ZNF423: variants seen among roughly 807,000 people sequenced by gnomAD.
ZNF423 encodes Ebf-associated zinc finger protein.
In ZNF423, 12 loss-of-function variants were observed where a neutral mutation model predicts 95.8. That is an observed-to-expected ratio of 0.13 (90% CI 0.08 to 0.20). ZNF423 has a LOEUF of 0.20. ZNF423 is among the 10% of genes least tolerant of loss of function. The pLI is 1.00. For synonymous variants in ZNF423, 749 were observed against 711.9 expected (o/e 1.05, Z -0.83); for missense variants, 1,316 against 1,737.1 (o/e 0.76, Z 4.31).
intron 5 of ZNF423, among the ~76,000 whole-genome samples, chr16:49,529,069 C>A (rs551729298): frequency 6.6e-6 from 1 of 151,758 alleles, no homozygotes; most frequent in Non-Finnish European, 1.5e-5. Context: ...TCCACCCCAG[C>A]GTGGGGACTG....
At chr16:49,542,706 G>A (rs1451867545) in intron 5 of ZNF423, among the ~76,000 whole-genome samples, 8 of 152,216 alleles carry the variant, frequency 5.3e-5, no homozygotes, top group Non-Finnish European at 8.8e-5. Flanking sequence ...GGTGCAGGCT[G>A]GGCCCCAGCC....
chr16:49,802,005 T>C (rs1366898589), intron 1 of ZNF423, among the ~76,000 whole-genome samples: 1 of 152,138 alleles, frequency 6.6e-6, no homozygotes, highest in Non-Finnish European at 1.5e-5. Context: ...CATGCCATTA[T>C]ACCCAGTCAG....
At chr16:49,613,589 G>T (rs553922370) in intron 5 of ZNF423, among the ~76,000 whole-genome samples, 74 of 152,294 alleles carry the variant, frequency 4.9e-4, no homozygotes, top group African/African-American at 1.7e-3. Flanking sequence ...ATTTTGTTAG[G>T]GGGGAAGTTG....
intron 2 of ZNF423, among the ~76,000 whole-genome samples, chr16:49,781,723 G>A (rs1422358249): frequency 6.6e-6 from 1 of 152,198 alleles, no homozygotes; most frequent in Non-Finnish European, 1.5e-5. Flanking sequence ...AAACCTCGGG[G>A]CAAAGGACTG....
chr16:49,644,233 T>C (rs993724009), intron 3 of ZNF423, among the ~76,000 whole-genome samples: 4 of 152,134 alleles, frequency 2.6e-5, no homozygotes, highest in African/African-American at 9.7e-5. Context: ...ATCGAAGCTA[T>C]GCAAGAGGCC....
At chr16:49,687,532 C>T (rs1053316486) in intron 3 of ZNF423, among the ~76,000 whole-genome samples, 9 of 152,132 alleles carry the variant, frequency 5.9e-5, no homozygotes, top group South Asian at 4.2e-4. Context: ...TGCCCACCTC[C>T]GACTCTAGAA....
At chr16:49,846,571 G>C (rs1183107452) in intron 1 of ZNF423, among the ~76,000 whole-genome samples, 1 of 152,166 alleles carries the variant, frequency 6.6e-6, no homozygotes, top group Admixed American at 6.5e-5. Flanking sequence ...CATCTGCAGG[G>C]GCTGTCCTGG....
In ZNF423 at chr16:49,696,072, A is replaced by G. The variant is rs954427979; in HGVS notation, c.301+34699T>C. Among the ~76,000 whole-genome samples, 3 of 152,154 alleles carry G rather than the reference A, an allele frequency of 2.0e-5. No homozygotes were observed. In the East Asian group the frequency reaches 5.8e-4, roughly 29 times the overall value. On this transcript the variant is annotated intron_variant, in intron 3 of 7. Coordinates refer to ENST00000563137, the MANE Select transcript of ZNF423 (RefSeq NM_001379286.1). ...TACTCAGCTTCTTTGACCCCAGTGG[A>G]CTCATCCGTAAAATGGGAACCCATG...
At chr16:49,693,413 C>G (rs1047613379) in intron 3 of ZNF423, among the ~76,000 whole-genome samples, 1 of 152,156 alleles carries the variant, frequency 6.6e-6, no homozygotes, top group Non-Finnish European at 1.5e-5. Flanking sequence ...CACAGTCAGG[C>G]TCCTGGTCCT....
At position 49,677,231 on chromosome 16, in the gene ZNF423, G is replaced by C. The variant is rs911254857; in HGVS notation, c.302-38357C>G. 6.1e-4 allele frequency among the ~76,000 whole-genome samples: 6 copies of C among 9,890 alleles called. 1 individual carries two copies. The highest frequency in any genetic ancestry group is 5.5e-3 in the Admixed American group (6 of 1,100). The allele number at this position is 9,890 out of a possible 152,430, so 6.5% of individuals were successfully genotyped here. ...AGACTCCAACATAGAAACAAGAAAAGAGAAGAGAAGAGAAGATAAGAGAAG... is the reference window on the plus strand; with the variant it reads ...AGACTCCAACATAGAAACAAGAAAACAGAAGAGAAGAGAAGATAAGAGAAG... On this transcript the variant is annotated intron_variant, in intron 3 of 7. Transcript: ENST00000563137.
chr16:49,784,207 A>G (rs2034272354), intron 2 of ZNF423, among the ~76,000 whole-genome samples: 1 of 152,010 alleles, frequency 6.6e-6, no homozygotes, highest in South Asian at 2.1e-4. Flanking sequence ...GCCTACAAAC[A>G]CACCCAAAAG....
At chr16:49,533,918 G>A (rs931047351) in intron 5 of ZNF423, among the ~76,000 whole-genome samples, 4 of 152,160 alleles carry the variant, frequency 2.6e-5, no homozygotes, top group Non-Finnish European at 5.9e-5. Flanking sequence ...AGGACTTTGG[G>A]AGGCCGAAGC....
intron 1 of ZNF423, among the ~76,000 whole-genome samples, chr16:49,804,791 T>A (rs1046191992): frequency 4.0e-5 from 6 of 151,668 alleles, no homozygotes; most frequent in Admixed American, 2.0e-4. Context: ...ACACCAACCC[T>A]GCAAGGTAGC....
At position 49,491,120 on chromosome 16, in the gene ZNF423, C is replaced by G; in HGVS notation, c.*155G>C. Reference sequence around the variant, plus strand: ...TAATCTCTGCCATTAATATTCATTTCCAGCTGCTTATAATAGCAGCGCCTC... The same window carrying G: ...TAATCTCTGCCATTAATATTCATTTGCAGCTGCTTATAATAGCAGCGCCTC... On this transcript the variant is annotated 3_prime_UTR_variant, in exon 8 of 8. Transcript: ENST00000563137. The G allele has an allele frequency of 1.2e-6, 1 of 810,738 alleles. No individual in the cohort carries two copies. Among genetic ancestry groups the G allele is most frequent in the African/African-American group, 1.7e-5 (1 of 59,134 alleles). The allele number at this position is 810,738 out of a possible 1,614,324, so 50.2% of individuals were successfully genotyped here.
At chr16:49,617,612 C>T (rs1441316912) in intron 5 of ZNF423, among the ~76,000 whole-genome samples, 1 of 152,194 alleles carries the variant, frequency 6.6e-6, no homozygotes, top group Non-Finnish European at 1.5e-5. Flanking sequence ...TCTTCCCCTC[C>T]CTGCTGGATC....
At chr16:49,779,610 A>C (rs1158100464) in intron 2 of ZNF423, among the ~76,000 whole-genome samples, 1 of 152,078 alleles carries the variant, frequency 6.6e-6, no homozygotes, top group Non-Finnish European at 1.5e-5. Flanking sequence ...AACTCCCCCA[A>C]ATGCATGAGG....
At chr16:49,623,026 G>A (rs946622888) in intron 5 of ZNF423, among the ~76,000 whole-genome samples, 2 of 152,110 alleles carry the variant, frequency 1.3e-5, no homozygotes, top group African/African-American at 4.8e-5. Context: ...GGTAGACTGG[G>A]TTGATGAGGC....
At chr16:49,652,670 C>T (rs1242756655) in intron 3 of ZNF423, among the ~76,000 whole-genome samples, 1 of 152,346 alleles carries the variant, frequency 6.6e-6, no homozygotes, top group East Asian at 1.9e-4. Flanking sequence ...CTGCTCCACT[C>T]GAGTGAAAGC....
chr16:49,701,086 G>C (rs1378319089), intron 3 of ZNF423, among the ~76,000 whole-genome samples: 1 of 152,250 alleles, frequency 6.6e-6, no homozygotes, highest in East Asian at 1.9e-4. Flanking sequence ...CAGCAAGCTA[G>C]TCAGTGCCAG....
Sources: allele counts gnomAD v4.1 joint callset (sites outside exome capture counted in the v4.1 genomes callset), GRCh38; gene constraint gnomAD v4.1.1; transcripts MANE v1.5; gene names NCBI Gene and HGNC (gene_info 2026-07-23, HGNC 2026-07-21).